Variants in WWOX observed in about 807,000 individuals in gnomAD.
The protein encoded by WWOX is WW domain containing oxidoreductase, also known as WW domain-containing oxidoreductase.
Under a neutral mutation model 46.2 loss-of-function variants are expected in WWOX, and 69 were observed. The ratio of observed to expected loss-of-function variants is 1.49; its 90% CI spans 1.23 to 1.82. The LOEUF (loss-of-function observed/expected upper bound fraction) is 1.82. Ranked by LOEUF, WWOX falls within the 40% of genes most tolerant of loss-of-function variation. WWOX has a pLI of 0.00. For synonymous variants in WWOX, 359 were observed against 202.6 expected (o/e 1.77, Z -6.56); for missense variants, 919 against 542.6 (o/e 1.69, Z -6.89).
intron 8 of WWOX, chr16:79,202,983 G>C (rs980387408): frequency 1.3e-5 from 2 of 152,168 alleles, no homozygotes; most frequent in African/African-American, 4.8e-5. Context: ...GCATAATCAA[G>C]GTTAATTTTT....
chr16:79,106,208 G>A (rs2049304979), intron 8 of WWOX, among the ~76,000 whole-genome samples: 1 of 152,182 alleles, frequency 6.6e-6, no homozygotes, highest in Admixed American at 6.5e-5. Flanking sequence ...AGACTTCAGT[G>A]CCTGCTAAAG....
chr16:78,235,382 C>A (rs1051105391), intron 5 of WWOX, among the ~76,000 whole-genome samples: 4 of 152,044 alleles, frequency 2.6e-5, no homozygotes, highest in Admixed American at 2.0e-4. Context: ...GCTCATCTGA[C>A]CCCTGGTGGC....
At chr16:78,475,849 C>T (rs1398106959) in intron 8 of WWOX, among the ~76,000 whole-genome samples, 1 of 152,158 alleles carries the variant, frequency 6.6e-6, no homozygotes, top group African/African-American at 2.4e-5. Context: ...CCCACCTCAA[C>T]CTCCCAAAAT....
chr16:78,909,156 G>C (rs986470374), intron 8 of WWOX, among the ~76,000 whole-genome samples: 1 of 152,180 alleles, frequency 6.6e-6, no homozygotes, highest in African/African-American at 2.4e-5. Context: ...AGTTACATCA[G>C]ATCTCCATCA....
chr16:78,413,787 GACT>G (rs2082735672), intron 6 of WWOX, among the ~76,000 whole-genome samples: 2 of 152,048 alleles, frequency 1.3e-5, no homozygotes, highest in South Asian at 4.2e-4. Context: ...GGGGCCAAAG[GACT>G]GGTTGGCAGG....
chr16:78,411,208 G>C (rs2082672860), intron 6 of WWOX, among the ~76,000 whole-genome samples: 1 of 152,198 alleles, frequency 6.6e-6, no homozygotes. Flanking sequence ...CCAGGAAGCA[G>C]GGAGCATTGG....
At chr16:79,099,247 C>T (rs1279347013) in intron 8 of WWOX, among the ~76,000 whole-genome samples, 1 of 152,214 alleles carries the variant, frequency 6.6e-6, no homozygotes, top group African/African-American at 2.4e-5. Context: ...CTCCTGACAT[C>T]TTCACACAAG....
At chr16:78,731,839 C>CT (rs1358966064) in intron 8 of WWOX, among the ~76,000 whole-genome samples, 80 of 111,476 alleles carry the variant, frequency 7.2e-4, no homozygotes, top group African/African-American at 3.6e-3. Flanking sequence ...AATTTTTTTT[C>CT]TTTCTCTTTT....
At chr16:78,881,033 C>T (rs1457167730) in intron 8 of WWOX, among the ~76,000 whole-genome samples, 2 of 141,696 alleles carry the variant, frequency 1.4e-5, no homozygotes, top group African/African-American at 2.7e-5. Flanking sequence ...CGCCCTGTTG[C>T]CAGGCTGGAG....
At chr16:78,627,418 T>C (rs2046335081) in intron 8 of WWOX, among the ~76,000 whole-genome samples, 1 of 152,158 alleles carries the variant, frequency 6.6e-6, no homozygotes, top group African/African-American at 2.4e-5. Flanking sequence ...TATACCATAG[T>C]TTATGACAAG....
chr16:78,363,743 C>G (rs1468840226), intron 5 of WWOX, among the ~76,000 whole-genome samples: 2 of 152,168 alleles, frequency 1.3e-5, no homozygotes, highest in African/African-American at 2.4e-5. Flanking sequence ...AAATGGGACT[C>G]TGGAGTAGAT....
intron 8 of WWOX, among the ~76,000 whole-genome samples, chr16:78,811,902 T>C (rs1225665156): frequency 6.6e-6 from 1 of 152,232 alleles, no homozygotes; most frequent in African/African-American, 2.4e-5. Context: ...GTCATGAGCA[T>C]AATAAGATAT....
intron 8 of WWOX, among the ~76,000 whole-genome samples, chr16:78,675,501 T>TA (rs1274383276): frequency 3.9e-5 from 6 of 152,192 alleles, no homozygotes; most frequent in Non-Finnish European, 8.8e-5. Context: ...TGTAAGCACT[T>TA]ACAACTAGTG....
intron 6 of WWOX, among the ~76,000 whole-genome samples, chr16:78,416,512 G>A (rs895502138): frequency 6.6e-6 from 1 of 152,180 alleles, no homozygotes; most frequent in South Asian, 2.1e-4. Flanking sequence ...TTAAAATTTG[G>A]TGAGAGAGGA....
chr16:78,468,962 G>A (rs2084153783), intron 8 of WWOX, among the ~76,000 whole-genome samples: 1 of 152,190 alleles, frequency 6.6e-6, no homozygotes, highest in African/African-American at 2.4e-5. Context: ...GTATGACGAT[G>A]TCTTACATCA....
At chr16:78,383,665 T>C (rs76492856) in intron 5 of WWOX, among the ~76,000 whole-genome samples, 1 of 152,142 alleles carries the variant, frequency 6.6e-6, no homozygotes, top group Non-Finnish European at 1.5e-5. Context: ...AACACACACA[T>C]AAACACATAT....
intron 1 of WWOX, among the ~76,000 whole-genome samples, chr16:78,102,815 C>T (rs543369468): frequency 1.5e-3 from 234 of 152,294 alleles, no homozygotes; most frequent in African/African-American, 5.5e-3. Flanking sequence ...CACCCAGAAG[C>T]CATAAGATGA....
At chr16:78,471,357 C>A (rs369235378) in intron 8 of WWOX, among the ~76,000 whole-genome samples, 3 of 152,214 alleles carry the variant, frequency 2.0e-5, no homozygotes, top group African/African-American at 7.2e-5. Context: ...TAACAGGCAT[C>A]TCTCACCTCA....
At chr16:78,209,394 T>A (rs1160142370) in intron 5 of WWOX, among the ~76,000 whole-genome samples, 1 of 152,182 alleles carries the variant, frequency 6.6e-6, no homozygotes. Context: ...CTGTCAGAAA[T>A]GCATGTCAGA....
Sources: gnomAD v4.1 joint callset for allele counts (sites outside exome capture counted in the v4.1 genomes callset) on GRCh38, gnomAD v4.1.1 for gene constraint, MANE v1.5 for transcripts, NCBI Gene and HGNC (gene_info 2026-07-23, HGNC 2026-07-21) for gene names.